The following STK39 variants were observed in gnomAD, a reference collection of about 807,000 sequenced individuals.
STK39 encodes the protein STE20/SPS1-related proline-alanine-rich protein kinase.
STK39 carries 20 observed loss-of-function variants against 77.8 expected under a neutral mutation model. That is an observed-to-expected ratio of 0.26 (90% CI 0.18 to 0.37). The LOEUF (loss-of-function observed/expected upper bound fraction) is 0.37. Ranked by LOEUF, STK39 falls within the 10% of genes least tolerant of loss-of-function variation. STK39 has a pLI of 1.00. For synonymous variants in STK39, 246 were observed against 234.1 expected (o/e 1.05, Z -0.47); for missense variants, 479 against 656.5 (o/e 0.73, Z 2.95).
At chr2:167,986,853 C>T (rs1683573026) in intron 16 of STK39, among the ~76,000 whole-genome samples, 1 of 152,030 alleles carries the variant, frequency 6.6e-6, no homozygotes, top group Non-Finnish European at 1.5e-5. Context: ...AGTAATGAGG[C>T]TGAGTACGAA....
chr2:168,185,501 T>G (rs11898923), intron 1 of STK39, among the ~76,000 whole-genome samples: 8,710 of 152,234 alleles, frequency 0.057, 789 homozygotes, highest in African/African-American at 0.2. Flanking sequence ...AGTTGACACC[T>G]CTTCTCATTT....
chr2:168,191,954 A>G (rs1422259705), intron 1 of STK39, among the ~76,000 whole-genome samples: 3 of 152,044 alleles, frequency 2.0e-5, no homozygotes, highest in African/African-American at 7.2e-5. Flanking sequence ...ATTTAGGAGG[A>G]AACCTACAGG....
chr2:168,232,161 G>T, intron 1 of STK39: 1 of 239,490 alleles, frequency 4.2e-6, no homozygotes, highest in Non-Finnish European at 9.4e-6. Flanking sequence ...TCACACACTT[G>T]CTGTCACGTT....
At chr2:168,076,937 A>G (rs1686095272) in intron 10 of STK39, among the ~76,000 whole-genome samples, 1 of 152,234 alleles carries the variant, frequency 6.6e-6, no homozygotes, top group Non-Finnish European at 1.5e-5. Flanking sequence ...GCTCATTTTA[A>G]TGCTTGCAGA....
chr2:168,046,274 G>A (rs1366167438), intron 14 of STK39, among the ~76,000 whole-genome samples: 1 of 152,216 alleles, frequency 6.6e-6, no homozygotes, highest in Non-Finnish European at 1.5e-5. Context: ...GCTGAGGCAG[G>A]AGAATTGCTT....
At chr2:168,222,729 T>A (rs1690206001) in intron 1 of STK39, among the ~76,000 whole-genome samples, 1 of 152,200 alleles carries the variant, frequency 6.6e-6, no homozygotes, top group South Asian at 2.1e-4. Flanking sequence ...CTAATGTTTA[T>A]TGCATGACGG....
chr2:167,971,256 C>G (rs1236832831), intron 16 of STK39, among the ~76,000 whole-genome samples: 2 of 152,156 alleles, frequency 1.3e-5, no homozygotes, highest in Non-Finnish European at 2.9e-5. Flanking sequence ...GTTTGGAAGT[C>G]ATGACACAAA....
chr2:168,040,805 A>G (rs6713035), intron 14 of STK39, among the ~76,000 whole-genome samples: 36,222 of 152,196 alleles, frequency 0.24, 5,782 homozygotes, highest in African/African-American at 0.45. Context: ...GTATATGTTT[A>G]TCTTCTCTCC....
intron 1 of STK39, among the ~76,000 whole-genome samples, chr2:168,214,107 C>T (rs1230170348): frequency 1.3e-5 from 2 of 152,144 alleles, no homozygotes; most frequent in Admixed American, 6.6e-5. Flanking sequence ...TGCCCACCTC[C>T]ACATCCTAAG....
At chr2:168,058,235 T>C (rs1265405026) in intron 14 of STK39, among the ~76,000 whole-genome samples, 2 of 152,232 alleles carry the variant, frequency 1.3e-5, no homozygotes, top group Non-Finnish European at 2.9e-5. Context: ...AGCATGTGCT[T>C]CATTTTGCAA....
At chr2:168,012,359 G>C (rs1823294) in intron 16 of STK39, among the ~76,000 whole-genome samples, 4,353 of 152,118 alleles carry the variant, frequency 0.029, 203 homozygotes, top group East Asian at 0.2. Flanking sequence ...TTTTAGTAGA[G>C]GCAGGGTTTC....
At chr2:167,994,238 G>A (rs907517335) in intron 16 of STK39, among the ~76,000 whole-genome samples, 1 of 152,082 alleles carries the variant, frequency 6.6e-6, no homozygotes, top group Non-Finnish European at 1.5e-5. Flanking sequence ...TATAAGGATT[G>A]TTCCACCATC....
chr2:168,061,684 C>T (rs1015476980), intron 14 of STK39, among the ~76,000 whole-genome samples: 4 of 152,088 alleles, frequency 2.6e-5, no homozygotes, highest in Admixed American at 2.0e-4. Context: ...ACTAGGATTG[C>T]AAGAGCAATA....
intron 14 of STK39, among the ~76,000 whole-genome samples, chr2:168,038,684 A>T (rs1427248749): frequency 6.6e-6 from 1 of 152,210 alleles, no homozygotes; most frequent in Admixed American, 6.5e-5. Flanking sequence ...CTGGCAAAGG[A>T]CTTACATTCA....
chr2:168,239,193 A>G (rs1690695548), intron 1 of STK39, among the ~76,000 whole-genome samples: 1 of 152,218 alleles, frequency 6.6e-6, no homozygotes, highest in South Asian at 2.1e-4. Context: ...ATTCCTACAC[A>G]GGAAGAGGCT....
chr2:167,975,408 C>G (rs1051344426), intron 16 of STK39, among the ~76,000 whole-genome samples: 4 of 152,012 alleles, frequency 2.6e-5, no homozygotes, highest in Admixed American at 6.6e-5. Context: ...GCCTCAAGAC[C>G]AGGTGTAAGG....
rs1184778547 is a variant in STK39 at position 168,247,345 on chromosome 2, C to CGGCCGCCGG, written c.82_90dup (p.Pro28_Ala30dup). On this transcript the variant is annotated inframe_insertion, in exon 1 of 18. Coordinates refer to ENST00000355999, the MANE Select transcript of STK39 (RefSeq NM_013233.3). ...GCTGCCGGGGCCGGCGCTGCTGTCG[C>CGGCCGCCGG]GGCCGCCGGGGCCGCCGCCGCCGCC... The CGGCCGCCGG allele has an allele frequency of 1.1e-5, 12 of 1,045,668 alleles. No homozygotes were observed. Among genetic ancestry groups the CGGCCGCCGG allele is most frequent in the Non-Finnish European group, 1.4e-5 (12 of 867,006 alleles). The allele number at this position is 1,045,668 out of a possible 1,614,324, so 64.8% of individuals were successfully genotyped here.
intron 5 of STK39, among the ~76,000 whole-genome samples, chr2:168,142,944 A>G (rs1688033956): frequency 6.6e-6 from 1 of 152,204 alleles, no homozygotes; most frequent in Non-Finnish European, 1.5e-5. Context: ...AAATTGGTAT[A>G]TTATATTGAG....
intron 12 of STK39, among the ~76,000 whole-genome samples, chr2:168,072,110 A>G (rs1685956985): frequency 6.6e-6 from 1 of 152,236 alleles, no homozygotes; most frequent in Admixed American, 6.5e-5. Context: ...ATAGTTCCTA[A>G]GGTGGAAAGA....
Sources: gnomAD v4.1 joint callset for allele counts (sites outside exome capture counted in the v4.1 genomes callset) on GRCh38, gnomAD v4.1.1 for gene constraint, MANE v1.5 for transcripts, NCBI Gene and HGNC (gene_info 2026-07-23, HGNC 2026-07-21) for gene names.